UBE3C: variants seen among roughly 807,000 people sequenced by gnomAD.
UBE3C encodes the protein ubiquitin protein ligase E3C, also known as ubiquitin-protein ligase E3C.
In UBE3C, 42 loss-of-function variants were observed where a neutral mutation model predicts 129.4. The observed-to-expected ratio is 0.32, with a 90% CI of 0.25 to 0.42. The LOEUF (loss-of-function observed/expected upper bound fraction) is 0.42. Among genes scored for constraint, UBE3C ranks in the 10% least tolerant of loss-of-function variants. The pLI is 1.00. For missense variants in UBE3C, 1,049 were observed against 1,319.1 expected, an observed-to-expected ratio of 0.80 and a Z score of 3.17; for synonymous variants, 510 against 492.4, an observed-to-expected ratio of 1.04 and a Z score of -0.47.
intron 10 of UBE3C, among the ~76,000 whole-genome samples, chr7:157,199,959 C>T (rs1435601635): frequency 6.6e-6 from 1 of 151,886 alleles, no homozygotes; most frequent in African/African-American, 2.4e-5. Context: ...TTGGAGACCC[C>T]GTTTGAGATT....
chr7:157,139,455 C>A, intron 1 of UBE3C, 117 bp downstream of exon 1: 1 of 692,086 alleles, frequency 1.4e-6, no homozygotes, highest in Non-Finnish European at 2.0e-6. Flanking sequence ...GGGCTGGATT[C>A]GGGGCCTCCC....
chr7:157,203,843 C>T, intron 11 of UBE3C, among the ~76,000 whole-genome samples: 1 of 152,120 alleles, frequency 6.6e-6, no homozygotes, highest in East Asian at 1.9e-4. Context: ...TCCTGATAAA[C>T]CCATTGTAAG....
chr7:157,220,624 G>C, intron 14 of UBE3C, 65 bp from the exon 15 acceptor site: 1 of 1,590,242 alleles, frequency 6.3e-7, no homozygotes, highest in Non-Finnish European at 8.6e-7. Context: ...TTCTGTTCAA[G>C]TGTGATCAGG....
At chr7:157,145,950 G>A (rs1236998538) in intron 1 of UBE3C, among the ~76,000 whole-genome samples, 1 of 152,062 alleles carries the variant, frequency 6.6e-6, no homozygotes, top group African/African-American at 2.4e-5. Flanking sequence ...TTTTTTCATG[G>A]ATCTTGCTTC....
chr7:157,186,908 C>T lies in UBE3C; in HGVS notation c.1218C>T (p.Asn406=). The change falls in exon 10 of 23, where the codon AAC becomes AAT. Residue 406 remains asparagine (N), a synonymous_variant. Coordinates refer to ENST00000348165, the MANE Select transcript of UBE3C (RefSeq NM_014671.3). The part of the protein sequence containing the change: ...LKKLDTKQQT[N]TLLNLVWRDS... The stretch of plus-strand genomic sequence containing the variant: ...AGCTGGACACAAAGCAGCAGACCAA[C>T]ACCCTGCTCAACCTGGTGTGGAGGG... The T allele has an allele frequency of 6.2e-7, 1 of 1,614,192 alleles. No individual in the cohort carries two copies. Among genetic ancestry groups the T allele is most frequent in the Non-Finnish European group, 8.5e-7 (1 of 1,180,030 alleles).
intron 19 of UBE3C, among the ~76,000 whole-genome samples, chr7:157,249,320 CTTTT>C (rs1234257452): frequency 6.9e-6 from 1 of 145,118 alleles, no homozygotes; most frequent in East Asian, 2.0e-4. Flanking sequence ...TCGATAGAGT[CTTTT>C]TTTTTTTTGA....
At chr7:157,209,916 C>T (rs966393464) in intron 13 of UBE3C, among the ~76,000 whole-genome samples, 5 of 152,254 alleles carry the variant, frequency 3.3e-5, no homozygotes, top group African/African-American at 1.2e-4. Flanking sequence ...TGTGGTGGCT[C>T]ACGCCTATAA....
chr7:157,257,141 CTT>C, intron 22 of UBE3C, 97 bp downstream of exon 22: 1 of 1,489,666 alleles, frequency 6.7e-7, no homozygotes, highest in South Asian at 1.3e-5. Context: ...TTTACATACA[CTT>C]TTGTTTTTAT....
At chr7:157,254,629 C>A (rs1177224147) in intron 21 of UBE3C, among the ~76,000 whole-genome samples, 1 of 151,834 alleles carries the variant, frequency 6.6e-6, no homozygotes, top group Non-Finnish European at 1.5e-5. Context: ...AACTCCTGAG[C>A]TCAAGTGATC....
chr7:157,161,946 C>T (rs1162064249), intron 1 of UBE3C, among the ~76,000 whole-genome samples: 2 of 151,704 alleles, frequency 1.3e-5, no homozygotes, highest in Non-Finnish European at 2.9e-5. Context: ...GGTATGCACC[C>T]GTAGTCCCAG....
In UBE3C at chr7:157,267,877, T is replaced by C. The variant is rs1009087496; in HGVS notation, c.*122T>C. On this transcript the variant is annotated 3_prime_UTR_variant, in exon 23 of 23. Transcript: ENST00000348165. ...GGCTCTCCTAAGCTCCTTCTTTCAT[T>C]CTGCCATTCCTCCCTCCCTTCCTTT... The C allele has an allele frequency of 2.2e-5, 17 of 771,908 alleles. No individual in the cohort carries two copies. The East Asian group carries it at 5.1e-4, about 23-fold the overall frequency. The allele number at this position is 771,908 out of a possible 1,614,324, so 47.8% of individuals were successfully genotyped here.
intron 2 of UBE3C, among the ~76,000 whole-genome samples, chr7:157,168,119 G>A (rs62491947): frequency 0.47 from 71,879 of 151,362 alleles, 19,650 homozygotes; most frequent in African/African-American, 0.76. Context: ...TGGGAGGCCA[G>A]GGCTGGAGGA....
In UBE3C at chr7:157,216,147, C is replaced by T. The variant is rs139213361; in HGVS notation, c.1810-720C>T. 7.0e-4 allele frequency among the ~76,000 whole-genome samples: 107 copies of T among 152,320 alleles called. 1 individual carries two copies. Among genetic ancestry groups the T allele is most frequent in the African/African-American group, 2.4e-3 (101 of 41,574 alleles). ...TCACAGATCTGACTCCATTTGCTTA[C>T]GTGAGGCAAGTGCTGCAATTGTTTT... On this transcript the variant is annotated intron_variant, in intron 13 of 22. Coordinates refer to ENST00000348165, the MANE Select transcript of UBE3C (RefSeq NM_014671.3).
Position 157,201,618 on chromosome 7 carries a change from G to T in UBE3C, c.1332-103G>T, listed in dbSNP as rs541527006. ...AGTACAGAGATTTGCTAAATTGTAC[G>T]TTGATCTTCAGTGTATCGCTTTTTT... On this transcript the variant is annotated intron_variant, in intron 10 of 22. Coordinates refer to ENST00000348165, the MANE Select transcript of UBE3C (RefSeq NM_014671.3). 28 of 666,292 alleles carry T rather than the reference G, an allele frequency of 4.2e-5. No homozygotes were observed. In the East Asian group the frequency reaches 1.6e-3, roughly 39 times the overall value. The allele number at this position is 666,292 out of a possible 1,614,324, so 41.3% of individuals were successfully genotyped here.
chr7:157,154,106 G>A (rs1005316288), intron 1 of UBE3C, among the ~76,000 whole-genome samples: 7 of 152,022 alleles, frequency 4.6e-5, no homozygotes, highest in South Asian at 2.1e-4. Context: ...GGTGGATCAC[G>A]AGGTCAGGAG....
intron 19 of UBE3C, among the ~76,000 whole-genome samples, chr7:157,253,591 G>A (rs189469590): frequency 3.3e-5 from 5 of 152,264 alleles, no homozygotes; most frequent in South Asian, 2.1e-4. Flanking sequence ...AGAATGAGTC[G>A]CTTTTTCTCT....
rs1015211656 is a variant in UBE3C at position 157,197,859 on chromosome 7, G to T, written c.1332-3862G>T. The T allele has an allele frequency of 4.4e-6, 7 of 1,607,508 alleles. No homozygotes were observed. The East Asian group carries it at 1.6e-4, about 36-fold the overall frequency. Reference sequence around the variant, plus strand: ...CACTGAATCATCAATAAGAACAACCGCGTTAAGTATTGATTTATCCTCCTC... The same window carrying T: ...CACTGAATCATCAATAAGAACAACCTCGTTAAGTATTGATTTATCCTCCTC... On this transcript the variant is annotated intron_variant, in intron 10 of 22. Coordinates refer to ENST00000348165, the MANE Select transcript of UBE3C (RefSeq NM_014671.3).
chr7:157,182,358 A>C, intron 8 of UBE3C, 30 bp downstream of exon 8: 1 of 1,605,824 alleles, frequency 6.2e-7, no homozygotes, highest in South Asian at 1.1e-5. Flanking sequence ...TTTTACCTGA[A>C]CACACATATG....
chr7:157,167,995 A>C (rs1808263980), intron 2 of UBE3C, among the ~76,000 whole-genome samples: 1 of 152,216 alleles, frequency 6.6e-6, no homozygotes, highest in African/African-American at 2.4e-5. Context: ...TGAAACAAGA[A>C]AGTGACCTTT....
Sources: allele counts gnomAD v4.1 joint callset (sites outside exome capture counted in the v4.1 genomes callset), GRCh38; gene constraint gnomAD v4.1.1; transcripts MANE v1.5; gene names NCBI Gene and HGNC (gene_info 2026-07-23, HGNC 2026-07-21).